Variants in FBXO10 observed in about 807,000 individuals in gnomAD.
FBXO10 encodes F-box protein 10.
FBXO10 carries 39 observed loss-of-function variants against 80.7 expected under a neutral mutation model. The observed-to-expected ratio is 0.48, with a 90% confidence interval of 0.37 to 0.63. FBXO10 has a LOEUF of 0.63. FBXO10 is among the 30% of genes least tolerant of loss of function. The pLI, the probability that FBXO10 is intolerant of heterozygous loss-of-function variation, is 0.00. For synonymous variants in FBXO10, 449 were observed against 489.6 expected, an observed-to-expected ratio of 0.92 and a Z score of 1.09; for missense variants, 1,025 against 1,269.0, an observed-to-expected ratio of 0.81 and a Z score of 2.92.
intron 6 of FBXO10, among the ~76,000 whole-genome samples, chr9:37,523,712 G>A (rs533454324): frequency 6.6e-6 from 1 of 152,144 alleles, no homozygotes; most frequent in South Asian, 2.1e-4. Flanking sequence ...ACCTGAGGTC[G>A]GGAGTTCGAG....
intron 1 of FBXO10, among the ~76,000 whole-genome samples, chr9:37,542,015 G>T (rs1444943524): frequency 6.6e-6 from 1 of 151,942 alleles, no homozygotes; most frequent in Non-Finnish European, 1.5e-5. Flanking sequence ...TTTTAGTAGA[G>T]ACCAGGTTTC....
chr9:37,533,605 T>C (rs544136083), intron 3 of FBXO10, among the ~76,000 whole-genome samples: 1 of 151,002 alleles, frequency 6.6e-6, no homozygotes, highest in South Asian at 2.1e-4. Flanking sequence ...ACGTGTTGGC[T>C]CATGCCTGTA....
At chr9:37,560,631 T>G (rs1563888606) in intron 1 of FBXO10, among the ~76,000 whole-genome samples, 1 of 150,978 alleles carries the variant, frequency 6.6e-6, no homozygotes. Flanking sequence ...AAGGTAACAC[T>G]TTTTATTTTA....
chr9:37,544,712 C>T (rs1032193381), intron 1 of FBXO10, among the ~76,000 whole-genome samples: 4 of 151,958 alleles, frequency 2.6e-5, no homozygotes, highest in East Asian at 1.9e-4. Context: ...GAGAGAAAAG[C>T]GGCCGGGCGC....
intron 1 of FBXO10, among the ~76,000 whole-genome samples, chr9:37,568,259 G>A (rs111904112): frequency 0.012 from 1,886 of 152,036 alleles, 55 homozygotes; most frequent in African/African-American, 0.042. Context: ...GTACAATGGC[G>A]CGATCTTGGC....
intron 1 of FBXO10, among the ~76,000 whole-genome samples, chr9:37,558,967 C>A (rs866686553): frequency 6.6e-6 from 1 of 152,094 alleles, no homozygotes; most frequent in African/African-American, 2.4e-5. Flanking sequence ...CGCACCACCA[C>A]GCCCGGCTAA....
chr9:37,534,879 T>G (rs546939415), intron 3 of FBXO10, among the ~76,000 whole-genome samples: 10 of 151,920 alleles, frequency 6.6e-5, no homozygotes, highest in South Asian at 4.2e-4. Context: ...TCATCAGAGG[T>G]CCCCTAGTGC....
At chr9:37,513,961 C>T (rs1177078936) in intron 10 of FBXO10, among the ~76,000 whole-genome samples, 1 of 152,090 alleles carries the variant, frequency 6.6e-6, no homozygotes, top group African/African-American at 2.4e-5. Flanking sequence ...TTTCCAGTCA[C>T]CCAAACTCTT....
Position 37,570,838 on chromosome 9 carries a change from C to G in FBXO10, c.-7+5373G>C, listed in dbSNP as rs1017098231. On this transcript the variant is annotated intron_variant, in intron 1 of 10. Transcript: ENST00000432825. The stretch of plus-strand genomic sequence containing the variant: ...TGAAACTCCGTCTCTACTAAAAATA[C>G]AAAAAATTAGCTGGGCGTGGTGGCA... Among the ~76,000 whole-genome samples, 8 of 151,838 alleles carry G rather than the reference C, an allele frequency of 5.3e-5. No individual in the cohort carries two copies. The East Asian group carries it at 5.8e-4, about 11-fold the overall frequency.
chr9:37,545,175 CTTTTTTT>C (rs397893928), intron 1 of FBXO10, among the ~76,000 whole-genome samples: 1 of 85,632 alleles, frequency 1.2e-5, no homozygotes, highest in Non-Finnish European at 2.1e-5. Flanking sequence ...CATTCTCAGG[CTTTTTTT>C]TTTTTTTTTT....
At chr9:37,525,560 C>T (rs554822607) in intron 5 of FBXO10, among the ~76,000 whole-genome samples, 2 of 149,474 alleles carry the variant, frequency 1.3e-5, no homozygotes, top group Admixed American at 6.6e-5. Flanking sequence ...TATATATATA[C>T]ATTTTTTTTT....
rs974865386 is a variant in FBXO10 at position 37,543,247 on chromosome 9, C to T, written c.-6-1473G>A. Among the ~76,000 whole-genome samples, 6 of 152,152 alleles carry T rather than the reference C, an allele frequency of 3.9e-5. No individual in the cohort carries two copies. In the East Asian group the frequency reaches 9.6e-4, roughly 24 times the overall value. On this transcript the variant is annotated intron_variant, in intron 1 of 10. Transcript: ENST00000432825. ...CTTCTCCCCTACCAGTGATTTATAT[C>T]ACATGATTATAGAGGTAAGGTTCCC...
chr9:37,537,978 G>T, intron 2 of FBXO10, 35 bp from the exon 3 acceptor site: 1 of 1,564,194 alleles, frequency 6.4e-7, no homozygotes, highest in Non-Finnish European at 8.8e-7. Context: ...GCTGTAAGAG[G>T]GATGAGATTG....
intron 1 of FBXO10, among the ~76,000 whole-genome samples, chr9:37,556,829 G>A (rs1035993683): frequency 1.3e-5 from 2 of 152,156 alleles, no homozygotes; most frequent in African/African-American, 4.8e-5. Flanking sequence ...ACAGGCGTGA[G>A]CCACCGCATC....
chr9:37,514,116 GATA>G (rs1434182228), intron 10 of FBXO10, among the ~76,000 whole-genome samples: 3 of 152,204 alleles, frequency 2.0e-5, no homozygotes, highest in South Asian at 2.1e-4. Flanking sequence ...GTATTTTTAT[GATA>G]ATGATGTTAC....
rs188120845 is a variant in FBXO10 at position 37,535,444 on chromosome 9, C to T, written c.1419+1666G>A. Among the ~76,000 whole-genome samples the T allele has an allele frequency of 4.9e-4, 74 of 152,148 alleles. 1 individual carries two copies. Among genetic ancestry groups the T allele is most frequent in the African/African-American group, 1.7e-3 (70 of 41,516 alleles). ...GCTTTCACTTGCAACCTCCACCTCC[C>T]GGGTTCAAGCAATTCTCCTGCCTCA... On this transcript the variant is annotated intron_variant, in intron 3 of 10. Transcript: ENST00000432825.
intron 7 of FBXO10, among the ~76,000 whole-genome samples, chr9:37,522,169 C>G (rs1471741347): frequency 6.6e-6 from 1 of 152,230 alleles, no homozygotes; most frequent in Non-Finnish European, 1.5e-5. Flanking sequence ...AGGAGGCAGC[C>G]TCAGTTGGAA....
At chr9:37,521,331 T>C (rs1052691568) in intron 8 of FBXO10, among the ~76,000 whole-genome samples, 1 of 152,056 alleles carries the variant, frequency 6.6e-6, no homozygotes, top group Middle Eastern at 3.4e-3. Flanking sequence ...GGAGCGCCTC[T>C]CCCTGGCCCC....
At chr9:37,563,659 C>T (rs1822533664) in intron 1 of FBXO10, among the ~76,000 whole-genome samples, 1 of 152,152 alleles carries the variant, frequency 6.6e-6, no homozygotes, top group Non-Finnish European at 1.5e-5. Context: ...CAAAGAGACT[C>T]ACAGCATTTT....
Sources: gnomAD v4.1 joint callset for allele counts (sites outside exome capture counted in the v4.1 genomes callset) on GRCh38, gnomAD v4.1.1 for gene constraint, MANE v1.5 for transcripts, NCBI Gene and HGNC (gene_info 2026-07-23, HGNC 2026-07-21) for gene names.